CTNNA3: variants seen among roughly 807,000 people sequenced by gnomAD.
CTNNA3 encodes catenin alpha-3.
CTNNA3 carries 76 observed loss-of-function variants against 95.7 expected under a neutral mutation model. The ratio of observed to expected loss-of-function variants is 0.79; its 90% CI spans 0.66 to 0.96. The LOEUF is 0.96. Ranked by LOEUF, CTNNA3 falls within the 40% of genes least tolerant of loss-of-function variation. The pLI, the probability that CTNNA3 is intolerant of heterozygous loss-of-function variation, is 0.00. For synonymous variants in CTNNA3, 431 were observed against 374.4 expected, an observed-to-expected ratio of 1.15 and a Z score of -1.74; for missense variants, 1,191 against 1,089.8, an observed-to-expected ratio of 1.09 and a Z score of -1.31.
At chr10:66,518,302 C>T (rs566447826) in intron 11 of CTNNA3, among the ~76,000 whole-genome samples, 1 of 152,080 alleles carries the variant, frequency 6.6e-6, no homozygotes, top group Non-Finnish European at 1.5e-5. Flanking sequence ...TCTAATCATG[C>T]AAAGATTGGT....
chr10:66,484,543 A>G (rs988729749), intron 11 of CTNNA3, among the ~76,000 whole-genome samples: 2 of 152,074 alleles, frequency 1.3e-5, no homozygotes, highest in African/African-American at 4.8e-5. Context: ...TGAAAAGTAT[A>G]AAACAGAGAA....
At chr10:67,119,010 G>C (rs988678478) in intron 7 of CTNNA3, among the ~76,000 whole-genome samples, 11 of 151,724 alleles carry the variant, frequency 7.3e-5, no homozygotes, top group Non-Finnish European at 1.2e-4. Context: ...CCAAATTTTA[G>C]AGAAAAATAC....
intron 11 of CTNNA3, among the ~76,000 whole-genome samples, chr10:66,478,811 A>G (rs531014636): frequency 1.2e-4 from 19 of 152,044 alleles, no homozygotes; most frequent in Admixed American, 1.2e-3. Context: ...ATGCAGAATA[A>G]TGATAATATT....
At chr10:66,957,959 G>A (rs1848909544) in intron 7 of CTNNA3, among the ~76,000 whole-genome samples, 1 of 151,974 alleles carries the variant, frequency 6.6e-6, no homozygotes, top group African/African-American at 2.4e-5. Flanking sequence ...AGGGCCCTCT[G>A]AAGCATTTCA....
chr10:67,147,060 A>T (rs1207077443), intron 7 of CTNNA3, among the ~76,000 whole-genome samples: 1 of 152,178 alleles, frequency 6.6e-6, no homozygotes, highest in Non-Finnish European at 1.5e-5. Context: ...GCCAAAGGAC[A>T]CTTTTCTCAA....
At chr10:66,756,568 A>G (rs912505869) in intron 9 of CTNNA3, among the ~76,000 whole-genome samples, 2 of 152,082 alleles carry the variant, frequency 1.3e-5, no homozygotes, top group Non-Finnish European at 2.9e-5. Context: ...TAACATACAC[A>G]TGAATAATCC....
intron 9 of CTNNA3, among the ~76,000 whole-genome samples, chr10:66,696,008 A>G (rs189648558): frequency 6.6e-6 from 1 of 152,132 alleles, no homozygotes; most frequent in African/African-American, 2.4e-5. Context: ...AGTTCAAGTC[A>G]TTAAGGAGTT....
intron 5 of CTNNA3, among the ~76,000 whole-genome samples, chr10:67,282,847 G>A (rs1286187490): frequency 1.3e-5 from 2 of 152,094 alleles, no homozygotes; most frequent in African/African-American, 4.8e-5. Flanking sequence ...CTGCATGCCT[G>A]TCTCTCAGTC....
At chr10:67,162,865 C>A (rs1246273779) in intron 7 of CTNNA3, among the ~76,000 whole-genome samples, 2 of 151,946 alleles carry the variant, frequency 1.3e-5, no homozygotes, top group African/African-American at 4.8e-5. Flanking sequence ...ACAACTTTAA[C>A]ATGTAAGTTT....
At chr10:66,870,709 G>A (rs763826802) in intron 7 of CTNNA3, among the ~76,000 whole-genome samples, 1 of 152,140 alleles carries the variant, frequency 6.6e-6, no homozygotes, top group Non-Finnish European at 1.5e-5. Context: ...TCCACACACT[G>A]ATGCCTAACT....
At chr10:66,700,204 A>G (rs979952852) in intron 9 of CTNNA3, among the ~76,000 whole-genome samples, 9 of 152,292 alleles carry the variant, frequency 5.9e-5, no homozygotes, top group African/African-American at 2.2e-4. Context: ...TCAAAATATC[A>G]TTATGAAGGA....
intron 13 of CTNNA3, among the ~76,000 whole-genome samples, chr10:66,256,304 G>A (rs10159487): frequency 0.064 from 9,701 of 152,184 alleles, 898 homozygotes; most frequent in African/African-American, 0.2. Flanking sequence ...CACTTTCTAA[G>A]TCAGGCATCC....
At chr10:66,519,053 A>C (rs1334185170) in intron 11 of CTNNA3, among the ~76,000 whole-genome samples, 1 of 152,104 alleles carries the variant, frequency 6.6e-6, no homozygotes, top group Admixed American at 6.6e-5. Context: ...TATTCATGAG[A>C]ATTTGCATTT....
chr10:66,662,684 A>G (rs74141624), intron 9 of CTNNA3, among the ~76,000 whole-genome samples: 12,621 of 152,010 alleles, frequency 0.083, 1,755 homozygotes, highest in African/African-American at 0.29. Context: ...TTCTACTACA[A>G]TTGTTGTCTG....
intron 5 of CTNNA3, among the ~76,000 whole-genome samples, chr10:67,259,931 A>C (rs950402912): frequency 6.6e-6 from 1 of 152,182 alleles, no homozygotes; most frequent in African/African-American, 2.4e-5. Context: ...ATGTAGTTTC[A>C]TCATCAAAAT....
intron 5 of CTNNA3, among the ~76,000 whole-genome samples, chr10:67,518,926 G>A (rs568591463): frequency 1.4e-4 from 21 of 152,112 alleles, no homozygotes; most frequent in African/African-American, 4.3e-4. Flanking sequence ...CAAATTCTCC[G>A]GTTAATCCTG....
At chr10:66,319,935 A>G (rs2092158255) in intron 12 of CTNNA3, among the ~76,000 whole-genome samples, 1 of 152,122 alleles carries the variant, frequency 6.6e-6, no homozygotes. Context: ...TTTAATACTG[A>G]GAGAAAACTA....
intron 5 of CTNNA3, among the ~76,000 whole-genome samples, chr10:67,481,578 C>A (rs1273426200): frequency 6.6e-6 from 1 of 152,118 alleles, no homozygotes; most frequent in Non-Finnish European, 1.5e-5. Context: ...ATACATCTAA[C>A]CAAGGAGGTG....
intron 1 of CTNNA3, among the ~76,000 whole-genome samples, chr10:67,726,443 TATAATA>T (rs1841221844): frequency 1.4e-5 from 1 of 71,528 alleles, no homozygotes; most frequent in Non-Finnish European, 2.4e-5. Context: ...ATATATAATA[TATAATA>T]TTATATATGA....
Sources: allele counts gnomAD v4.1 joint callset (sites outside exome capture counted in the v4.1 genomes callset), GRCh38; gene constraint gnomAD v4.1.1; transcripts MANE v1.5; gene names NCBI Gene and HGNC (gene_info 2026-07-23, HGNC 2026-07-21).